Variants in NGDN observed in about 807,000 individuals in gnomAD.
NGDN encodes the protein EIF4E-binding protein.
Under a neutral mutation model 45.2 loss-of-function variants are expected in NGDN, and 41 were observed. That is an observed-to-expected ratio of 0.91 (90% CI 0.71 to 1.18). The LOEUF (loss-of-function observed/expected upper bound fraction) is 1.18, where lower values mean the gene tolerates loss of function less well. Ranked by LOEUF, NGDN falls within the 50% of genes most tolerant of loss-of-function variation. NGDN has a pLI of 0.00. For missense variants in NGDN, 402 were observed against 399.9 expected, an observed-to-expected ratio of 1.01 and a Z score of -0.05; for synonymous variants, 137 against 130.9, an observed-to-expected ratio of 1.05 and a Z score of -0.32.
intron 3 of NGDN, among the ~76,000 whole-genome samples, chr14:23,473,801 T>A (rs1226160085): frequency 6.6e-6 from 1 of 152,244 alleles, no homozygotes; most frequent in Non-Finnish European, 1.5e-5. Context: ...CTATAACTCC[T>A]GTGCTTAAAA....
At position 23,475,430 on chromosome 14, in the gene NGDN, A is replaced by G. The variant is rs376929719; in HGVS notation, c.282+122A>G. ...TTAAGGAAACCAAATGAGAAAAGGT[A>G]TTTTTCTATTCATTTGCTCTACTTT... On this transcript the variant is annotated intron_variant, in intron 4 of 10. Transcript: ENST00000408901. 1.6e-5 allele frequency: 22 copies of G among 1,352,968 alleles called. No homozygotes were observed. The East Asian group carries it at 2.5e-4, about 16-fold the overall frequency. 83.8% of individuals were successfully genotyped at this position (1,352,968 alleles called of 1,614,324 possible).
At position 23,475,156 on chromosome 14, in the gene NGDN, T is replaced by C; in HGVS notation, c.145-15T>C. 6.2e-7 allele frequency: 1 copy of C among 1,600,788 alleles called. No individual in the cohort carries two copies. The highest frequency in any genetic ancestry group is 1.1e-5 in the South Asian group (1 of 88,492). On this transcript the variant is annotated splice_polypyrimidine_tract_variant and intron_variant, in intron 3 of 10. Transcript: ENST00000408901. ...AAAACCAAATCTGTTTTTCTTTCTGTTTTGTTCAACTCAGGGTCTCAGCTT... is the reference window on the plus strand; with the variant it reads ...AAAACCAAATCTGTTTTTCTTTCTGCTTTGTTCAACTCAGGGTCTCAGCTT...
At chr14:23,477,839 C>G in intron 10 of NGDN, 168 bp from the exon 11 acceptor site, 1 of 1,488,726 alleles carries the variant, frequency 6.7e-7, no homozygotes, top group Non-Finnish European at 8.9e-7. Flanking sequence ...AACCATTATC[C>G]CATTTCAATT....
Position 23,476,366 on chromosome 14 carries a change from G to A in NGDN, c.672G>A (p.Arg224=). 1 of 1,612,696 alleles carries A rather than the reference G, an allele frequency of 6.2e-7. No individual in the cohort carries two copies. Among genetic ancestry groups the A allele is most frequent in the Non-Finnish European group, 8.5e-7 (1 of 1,179,950 alleles). The change falls in exon 8 of 11, where the codon CGG becomes CGA. Residue 224 remains arginine, a synonymous_variant. Coordinates refer to ENST00000408901, the MANE Select transcript of NGDN (RefSeq NM_001042635.2). ...CTCCAGAGGAAATCCGTGATGCTCG[G>A]CATCCCCATGTTACCCGCCAGAGTC... ...SDAPEEIRDA[R]HPHVTRQSQE...
intron 3 of NGDN, among the ~76,000 whole-genome samples, chr14:23,473,429 CTT>C (rs1393384663): frequency 1.3e-5 from 2 of 152,166 alleles, no homozygotes; most frequent in Non-Finnish European, 2.9e-5. Context: ...TGACCAAAGA[CTT>C]TTACTAGGTG....
chr14:23,472,428 A>T (rs1207851089), intron 3 of NGDN, among the ~76,000 whole-genome samples: 1 of 152,136 alleles, frequency 6.6e-6, no homozygotes, highest in Non-Finnish European at 1.5e-5. Flanking sequence ...TGAACTCAGG[A>T]GGCAGAGGTT....
chr14:23,477,945 T>A, intron 10 of NGDN, 62 bp from the exon 11 acceptor site: 1 of 1,614,096 alleles, frequency 6.2e-7, no homozygotes, highest in South Asian at 1.1e-5. Context: ...ATGTCCTGTT[T>A]TCCTGTCCCT....
rs1170713213 is a variant in NGDN at position 23,477,534 on chromosome 14, TACCTC to T, written c.904_908del (p.Pro302GlufsTer30). 3.1e-6 allele frequency: 5 copies of T among 1,614,058 alleles called. No homozygotes were observed. The highest frequency in any genetic ancestry group is 2.2e-5 in the East Asian group (1 of 44,892). On this transcript the variant is annotated frameshift_variant, in exon 10 of 11. Coordinates refer to ENST00000408901, the MANE Select transcript of NGDN (RefSeq NM_001042635.2). LOFTEE classifies it high-confidence loss of function. Reference sequence around the variant, plus strand: ...AATCCTATTAAGAAGCGGAAGAAGATACCTCAGAAAGGTCGGAAGAAAAAAGGTCA... The same window carrying T: ...AATCCTATTAAGAAGCGGAAGAAGATAGAAAGGTCGGAAGAAAAAAGGTCA...
intron 10 of NGDN, 96 bp downstream of exon 10, chr14:23,477,656 G>C: frequency 6.3e-7 from 1 of 1,580,484 alleles, no homozygotes; most frequent in Non-Finnish European, 8.6e-7. Context: ...ACCAAGCCCT[G>C]TAGTATCTCT....
intron 3 of NGDN, among the ~76,000 whole-genome samples, chr14:23,472,321 C>T (rs1227780052): frequency 6.6e-6 from 1 of 151,250 alleles, no homozygotes; most frequent in East Asian, 1.9e-4. Flanking sequence ...CATGGCAAAA[C>T]CCCATCTTTA....
chr14:23,470,781 TAGTACTATACTTTAGAC>T, intron 2 of NGDN, 108 bp from the exon 3 acceptor site: 1 of 601,202 alleles, frequency 1.7e-6, no homozygotes, highest in Non-Finnish European at 2.9e-6. Flanking sequence ...AGTGAGAAGA[TAGTACTATACTTTAGAC>T]AGTGTTTCAG....
chr14:23,473,458 G>C (rs1893829874), intron 3 of NGDN, among the ~76,000 whole-genome samples: 1 of 152,174 alleles, frequency 6.6e-6, no homozygotes, highest in Non-Finnish European at 1.5e-5. Flanking sequence ...AGGTTACAAA[G>C]TTCTTTCACA....
intron 8 of NGDN, among the ~76,000 whole-genome samples, 199 bp from the exon 9 acceptor site, chr14:23,477,001 T>C (rs981999732): frequency 6.6e-6 from 1 of 152,194 alleles, no homozygotes; most frequent in African/African-American, 2.4e-5. Flanking sequence ...TGAGGGAAGT[T>C]CTAGCACAGA....
intron 3 of NGDN, among the ~76,000 whole-genome samples, chr14:23,474,578 T>TAC (rs1893854792): frequency 7.0e-6 from 1 of 142,530 alleles, no homozygotes; most frequent in Admixed American, 7.1e-5. Context: ...TATCCCCCCC[T>TAC]ACACACACAC....
Position 23,477,625 on chromosome 14 carries a change from G to A in NGDN, c.928+65G>A, listed in dbSNP as rs1893934562. The A allele has an allele frequency of 1.2e-5, 20 of 1,605,238 alleles. No individual in the cohort carries two copies. The South Asian group carries it at 1.9e-4, about 15-fold the overall frequency. On this transcript the variant is annotated intron_variant, in intron 10 of 10. Coordinates refer to ENST00000408901, the MANE Select transcript of NGDN (RefSeq NM_001042635.2). ...TGGGGAGTACAAATTGAGTCTCTTT[G>A]GATTTGCCATTCTGGGTCTCACCAA...
At chr14:23,471,500 A>C (rs1893777231) in intron 3 of NGDN, 1 of 152,384 alleles carries the variant, frequency 6.6e-6, no homozygotes, top group Admixed American at 6.5e-5. Context: ...TAATTGGGAC[A>C]TATCACTTAT....
At chr14:23,469,959 C>T (rs1893733687) in intron 1 of NGDN, 83 bp from the exon 2 acceptor site, 1 of 1,428,588 alleles carries the variant, frequency 7.0e-7, no homozygotes. Context: ...GGAGAGAGGG[C>T]AGTTTCCCAC....
chr14:23,475,820 C>T lies in NGDN; in HGVS notation c.420+42C>T, dbSNP rs1474848849. The T allele has an allele frequency of 1.9e-6, 3 of 1,584,978 alleles. No individual in the cohort carries two copies. The Admixed American group carries it at 5.1e-5, about 27-fold the overall frequency. ...TTCTCCTGATTTTTTTCTGAGGCAG[C>T]TATACCTAGATGAGCCTCTTGGTGA... On this transcript the variant is annotated intron_variant, in intron 6 of 10. Coordinates refer to ENST00000408901, the MANE Select transcript of NGDN (RefSeq NM_001042635.2).
chr14:23,471,981 A>T (rs1013910034), intron 3 of NGDN, among the ~76,000 whole-genome samples: 1 of 151,956 alleles, frequency 6.6e-6, no homozygotes, highest in South Asian at 2.1e-4. Flanking sequence ...GCTTGAGCCC[A>T]TGGGTTTGAG....
Sources: allele counts gnomAD v4.1 joint callset (sites outside exome capture counted in the v4.1 genomes callset), GRCh38; gene constraint gnomAD v4.1.1; transcripts MANE v1.5; gene names NCBI Gene and HGNC (gene_info 2026-07-23, HGNC 2026-07-21).